Variants in COL19A1 observed in about 807,000 individuals in gnomAD.
COL19A1 encodes collagen alpha-1(XIX) chain.
Under a neutral mutation model 190.2 loss-of-function variants are expected in COL19A1, and 159 were observed. The ratio of observed to expected loss-of-function variants is 0.84; its 90% confidence interval spans 0.73 to 0.95. The LOEUF (loss-of-function observed/expected upper bound fraction) is 0.95, where lower values mean the gene tolerates loss of function less well. COL19A1 is among the 40% of genes least tolerant of loss of function. The pLI is 0.00. For synonymous variants in COL19A1, 509 were observed against 458.9 expected (o/e 1.11, Z -1.39); for missense variants, 1,418 against 1,431.9 (o/e 0.99, Z 0.16).
intron 49 of COL19A1, among the ~76,000 whole-genome samples, chr6:70,200,496 G>A (rs1767483576): frequency 6.6e-6 from 1 of 152,214 alleles, no homozygotes; most frequent in African/African-American, 2.4e-5. Context: ...TATCATGAAA[G>A]ATAAGACCAG....
chr6:69,868,117 C>T (rs1049121653), intron 1 of COL19A1, among the ~76,000 whole-genome samples: 4 of 151,514 alleles, frequency 2.6e-5, no homozygotes, highest in Non-Finnish European at 4.4e-5. Flanking sequence ...TCAACCACCA[C>T]CCCTCCCCAA....
At chr6:70,028,438 G>C (rs1256531106) in intron 12 of COL19A1, among the ~76,000 whole-genome samples, 1 of 152,134 alleles carries the variant, frequency 6.6e-6, no homozygotes, top group Non-Finnish European at 1.5e-5. Flanking sequence ...GCTGCCCTCA[G>C]AAGAATAGAC....
intron 11 of COL19A1, among the ~76,000 whole-genome samples, chr6:69,980,463 T>C (rs868032151): frequency 6.6e-6 from 1 of 152,134 alleles, no homozygotes; most frequent in Admixed American, 6.5e-5. Flanking sequence ...ATACTTTACA[T>C]TTGTGTAATC....
chr6:70,144,145 T>A, intron 23 of COL19A1, 65 bp from the exon 24 acceptor site: 4 of 1,353,094 alleles, frequency 3.0e-6, no homozygotes, highest in Non-Finnish European at 4.2e-6. Flanking sequence ...GATTCACAGA[T>A]ATAGGGAAAT....
chr6:70,116,354 C>G (rs572247601), intron 16 of COL19A1, among the ~76,000 whole-genome samples: 6 of 152,234 alleles, frequency 3.9e-5, no homozygotes, highest in Admixed American at 3.3e-4. Context: ...ATGATTCTAC[C>G]GAATTCAACA....
chr6:69,991,739 T>C (rs1776639086), intron 11 of COL19A1, among the ~76,000 whole-genome samples: 1 of 152,092 alleles, frequency 6.6e-6, no homozygotes, highest in African/African-American at 2.4e-5. Context: ...TGGGGTTATT[T>C]GGTATTTACT....
At position 70,053,694 on chromosome 6, in the gene COL19A1, G is replaced by A. The variant is rs1021688601; in HGVS notation, c.1171-14729G>A. On this transcript the variant is annotated intron_variant, in intron 14 of 50. Coordinates refer to ENST00000620364, the MANE Select transcript of COL19A1 (RefSeq NM_001858.6). ...CCCATAGAAATGAAGTTAGCCCTCA[G>A]ATGTATTTAGATATCATATTTCTAA... Among the ~76,000 whole-genome samples, 9 of 152,128 alleles carry A rather than the reference G, an allele frequency of 5.9e-5. No homozygotes were observed. In the East Asian group the frequency reaches 1.3e-3, roughly 23 times the overall value.
intron 14 of COL19A1, among the ~76,000 whole-genome samples, chr6:70,042,487 C>G (rs1159932715): frequency 6.6e-6 from 1 of 152,120 alleles, no homozygotes; most frequent in Non-Finnish European, 1.5e-5. Context: ...ATCATCTGAG[C>G]CTTCAGTGAG....
intron 40 of COL19A1, among the ~76,000 whole-genome samples, chr6:70,170,805 A>G (rs1765452947): frequency 6.6e-6 from 1 of 152,176 alleles, no homozygotes; most frequent in African/African-American, 2.4e-5. Context: ...AGTATTCTGT[A>G]ATAAGGGCAA....
intron 11 of COL19A1, among the ~76,000 whole-genome samples, chr6:69,969,348 G>A (rs543405001): frequency 2.1e-4 from 32 of 152,092 alleles, no homozygotes; most frequent in African/African-American, 6.3e-4. Flanking sequence ...GACTTAAAAC[G>A]TTCATTTATT....
At chr6:70,007,961 G>C (rs1454670317) in intron 11 of COL19A1, among the ~76,000 whole-genome samples, 1 of 151,776 alleles carries the variant, frequency 6.6e-6, no homozygotes, top group African/African-American at 2.4e-5. Context: ...GAAAAAATAT[G>C]ATTCTCAACA....
intron 41 of COL19A1, among the ~76,000 whole-genome samples, chr6:70,175,339 G>A (rs1765739645): frequency 6.6e-6 from 1 of 151,802 alleles, no homozygotes; most frequent in Non-Finnish European, 1.5e-5. Context: ...TCTTGTTTTG[G>A]TTTTATGCAC....
intron 9 of COL19A1, among the ~76,000 whole-genome samples, chr6:69,958,936 G>T (rs1774597975): frequency 1.3e-5 from 2 of 152,216 alleles, no homozygotes; most frequent in South Asian, 2.1e-4. Context: ...GCTTTCTAGG[G>T]AATGTTTAAA....
intron 11 of COL19A1, among the ~76,000 whole-genome samples, chr6:70,003,080 T>C (rs935331248): frequency 6.6e-6 from 1 of 152,264 alleles, no homozygotes; most frequent in East Asian, 1.9e-4. Flanking sequence ...TTCTGGTAAG[T>C]TTTCTCTTTG....
intron 12 of COL19A1, 55 bp downstream of exon 12, chr6:70,023,735 C>G: frequency 6.8e-7 from 1 of 1,471,614 alleles, no homozygotes; most frequent in Non-Finnish European, 9.3e-7. Flanking sequence ...CTAAGATATG[C>G]TATTTAATGC....
chr6:69,925,259 TG>T (rs1772285485), intron 4 of COL19A1, among the ~76,000 whole-genome samples: 1 of 152,212 alleles, frequency 6.6e-6, no homozygotes. Context: ...AATTAATTTT[TG>T]TATAAGGTGT....
chr6:70,145,069 T>C, intron 25 of COL19A1, 62 bp downstream of exon 25: 1 of 1,219,070 alleles, frequency 8.2e-7, no homozygotes, highest in Non-Finnish European at 1.2e-6. Flanking sequence ...ACTTGTGGGT[T>C]CCTAGTTTCA....
At chr6:70,197,843 T>G (rs1767307600) in intron 48 of COL19A1, among the ~76,000 whole-genome samples, 1 of 152,226 alleles carries the variant, frequency 6.6e-6, no homozygotes, top group East Asian at 1.9e-4. Context: ...CTTTGTGACA[T>G]GAGAATGTGA....
chr6:69,931,895 A>G (rs1039954453), intron 6 of COL19A1, among the ~76,000 whole-genome samples: 2 of 152,058 alleles, frequency 1.3e-5, no homozygotes, highest in Non-Finnish European at 2.9e-5. Context: ...ATTCACCTCT[A>G]ATCACAAATG....
Sources: gnomAD v4.1 joint callset for allele counts (sites outside exome capture counted in the v4.1 genomes callset) on GRCh38, gnomAD v4.1.1 for gene constraint, MANE v1.5 for transcripts, NCBI Gene and HGNC (gene_info 2026-07-23, HGNC 2026-07-21) for gene names.